The following YPEL1 variants were observed in gnomAD, a reference collection of about 807,000 sequenced individuals.
The protein encoded by YPEL1 is protein yippee-like 1.
In YPEL1, 7 loss-of-function variants were observed where a neutral mutation model predicts 17.3. The ratio of observed to expected loss-of-function variants is 0.40; its 90% confidence interval spans 0.23 to 0.76. The LOEUF (loss-of-function observed/expected upper bound fraction) is 0.76, where lower values mean the gene tolerates loss of function less well. YPEL1 is among the 30% of genes least tolerant of loss of function. The probability of loss-of-function intolerance (pLI) is 0.35; values close to 1 mark genes in which losing one functional copy is unlikely to be tolerated. For missense variants in YPEL1, 91 were observed against 155.5 expected, an observed-to-expected ratio of 0.59 and a Z score of 2.21; for synonymous variants, 59 against 59.6, an observed-to-expected ratio of 0.99 and a Z score of 0.05.
chr22:21,707,451 C>A (rs1313193853), intron 2 of YPEL1, among the ~76,000 whole-genome samples: 2 of 152,096 alleles, frequency 1.3e-5, no homozygotes, highest in African/African-American at 2.4e-5. Flanking sequence ...AAAACAAGAG[C>A]CCCCAGTTGT....
chr22:21,710,658 G>T lies in YPEL1; in HGVS notation c.87C>A (p.His29Gln). Residue 29 changes from histidine to glutamine, a missense_variant, in exon 2 of 5, where the codon CAC becomes CAA. His to Gln is a conservative substitution (Grantham distance 24). Transcript: ENST00000339468. ...AGATGAGCTCGTCATGATTGGCCAG[G>T]TGTGCTCTGCAGTGGATACAGCTGT... ...RTYSCIHCRA[H>Q]LANHDELISK... 1.2e-6 allele frequency: 2 copies of T among 1,614,234 alleles called. No homozygotes were observed. The highest frequency in any genetic ancestry group is 2.2e-5 in the South Asian group (2 of 91,090).
intron 1 of YPEL1, among the ~76,000 whole-genome samples, chr22:21,719,542 C>G (rs1569063593): frequency 6.6e-6 from 1 of 152,140 alleles, no homozygotes; most frequent in Non-Finnish European, 1.5e-5. Flanking sequence ...CCAAGTGACT[C>G]AAGTAGAGAG....
Position 21,717,047 on chromosome 22 carries a change from C to A in YPEL1, c.-164-6139G>T, listed in dbSNP as rs71314791. Among the ~76,000 whole-genome samples, 1,228 of 151,766 alleles carry A rather than the reference C, an allele frequency of 8.1e-3. 17 individuals carry two copies. Among genetic ancestry groups the A allele is most frequent in the African/African-American group, 0.028 (1,147 of 41,380 alleles). On this transcript the variant is annotated intron_variant, in intron 1 of 4. Coordinates refer to ENST00000339468, the MANE Select transcript of YPEL1 (RefSeq NM_013313.5). ...AAAGAGAATACCTACACTGAAGATA[C>A]GTCAGAATAAATTATGCTGAATAAA...
chr22:21,719,140 G>A (rs943255105), intron 1 of YPEL1, among the ~76,000 whole-genome samples: 13 of 152,132 alleles, frequency 8.5e-5, no homozygotes, highest in Non-Finnish European at 1.8e-4. Flanking sequence ...GGGAGGTCAT[G>A]GGGACAGGTA....
At chr22:21,716,098 G>A (rs564411167) in intron 1 of YPEL1, among the ~76,000 whole-genome samples, 1 of 151,980 alleles carries the variant, frequency 6.6e-6, no homozygotes, top group Non-Finnish European at 1.5e-5. Context: ...TAGTAGAGAT[G>A]GGGTTTCACC....
At chr22:21,716,084 T>G (rs1423757539) in intron 1 of YPEL1, among the ~76,000 whole-genome samples, 1 of 152,042 alleles carries the variant, frequency 6.6e-6, no homozygotes, top group Non-Finnish European at 1.5e-5. Flanking sequence ...AATTTTTGTA[T>G]TTTTAGTAGA....
chr22:21,735,365 G>T (rs1227744714), intron 1 of YPEL1, among the ~76,000 whole-genome samples: 1 of 152,132 alleles, frequency 6.6e-6, no homozygotes, highest in Non-Finnish European at 1.5e-5. Context: ...GGACAGCGGG[G>T]GAGGTGGAGA....
chr22:21,716,953 A>T (rs1306553480), intron 1 of YPEL1, among the ~76,000 whole-genome samples: 2 of 152,242 alleles, frequency 1.3e-5, no homozygotes, highest in Admixed American at 1.3e-4. Flanking sequence ...CCTTGCAGAA[A>T]AACAGGTGTA....
At chr22:21,711,598 AG>A (rs2068166942) in intron 1 of YPEL1, among the ~76,000 whole-genome samples, 1 of 152,240 alleles carries the variant, frequency 6.6e-6, no homozygotes, top group Non-Finnish European at 1.5e-5. Context: ...GATCTTCAAC[AG>A]GGTGTCAAGA....
chr22:21,725,174 G>A (rs973681393), intron 1 of YPEL1, among the ~76,000 whole-genome samples: 3 of 150,736 alleles, frequency 2.0e-5, no homozygotes, highest in Non-Finnish European at 4.4e-5. Flanking sequence ...CTCACAAAGT[G>A]TTGGGATTAC....
At chr22:21,706,868 AAAAT>A (rs1280729155) in intron 2 of YPEL1, among the ~76,000 whole-genome samples, 2 of 152,000 alleles carry the variant, frequency 1.3e-5, no homozygotes, top group African/African-American at 4.8e-5. Flanking sequence ...TAAATAAATA[AAAAT>A]AAAAATAGTC....
At chr22:21,716,918 C>G (rs367785256) in intron 1 of YPEL1, among the ~76,000 whole-genome samples, 100 of 151,350 alleles carry the variant, frequency 6.6e-4, no homozygotes, top group East Asian at 1.6e-3. Context: ...TATATGTAAC[C>G]AACAGCAAAC....
chr22:21,712,441 T>C (rs1267573943), intron 1 of YPEL1, among the ~76,000 whole-genome samples: 1 of 146,316 alleles, frequency 6.8e-6, no homozygotes, highest in Non-Finnish European at 1.5e-5. Context: ...AAGGGCCGGG[T>C]ATGGGCCCGG....
At chr22:21,722,693 G>A (rs2068295498) in intron 1 of YPEL1, among the ~76,000 whole-genome samples, 1 of 151,848 alleles carries the variant, frequency 6.6e-6, no homozygotes. Context: ...TGCCATGAAT[G>A]CCTAACTGCA....
chr22:21,718,647 T>C (rs1036504742), intron 1 of YPEL1, among the ~76,000 whole-genome samples: 6 of 152,118 alleles, frequency 3.9e-5, no homozygotes, highest in Non-Finnish European at 7.4e-5. Flanking sequence ...CAAGCACATC[T>C]GCAGGAGAAG....
chr22:21,724,148 C>T (rs1268635638), intron 1 of YPEL1, among the ~76,000 whole-genome samples: 1 of 152,208 alleles, frequency 6.6e-6, no homozygotes, highest in African/African-American at 2.4e-5. Context: ...AGCAGTTCCT[C>T]TTGACCTCAG....
intron 1 of YPEL1, among the ~76,000 whole-genome samples, chr22:21,712,160 G>C (rs2148602801): frequency 6.6e-6 from 1 of 152,248 alleles, no homozygotes; most frequent in African/African-American, 2.4e-5. Context: ...GAGCAACAGA[G>C]TGAAACCCTG....
chr22:21,725,242 C>T (rs182664413), intron 1 of YPEL1, among the ~76,000 whole-genome samples: 2,007 of 132,142 alleles, frequency 0.015, 41 homozygotes, highest in African/African-American at 0.053. Flanking sequence ...TTTTTTGAGA[C>T]GGAGTCTCAC....
At chr22:21,723,945 G>T (rs1017169309) in intron 1 of YPEL1, among the ~76,000 whole-genome samples, 1 of 152,158 alleles carries the variant, frequency 6.6e-6, no homozygotes, top group Non-Finnish European at 1.5e-5. Context: ...GGGATTACAG[G>T]TGTGAGCCAC....
Sources: gnomAD v4.1 joint callset for allele counts (sites outside exome capture counted in the v4.1 genomes callset) on GRCh38, gnomAD v4.1.1 for gene constraint, MANE v1.5 for transcripts, NCBI Gene and HGNC (gene_info 2026-07-23, HGNC 2026-07-21) for gene names.